ROBO2: variants seen among roughly 807,000 people sequenced by gnomAD.
The protein encoded by ROBO2 is roundabout homolog 2.
A neutral mutation model predicts 160.8 loss-of-function variants in ROBO2; 53 were observed. The ratio of observed to expected loss-of-function variants is 0.33; its 90% confidence interval spans 0.26 to 0.41. The LOEUF is 0.41. Ranked by LOEUF, ROBO2 falls within the 10% of genes least tolerant of loss-of-function variation. ROBO2 has a pLI of 1.00. For missense variants in ROBO2, 1,577 were observed against 1,722.4 expected (o/e 0.92, Z 1.49); for synonymous variants, 664 against 611.7 (o/e 1.09, Z -1.26).
At chr3:76,183,678 T>G (rs1300096162) in intron 2 of ROBO2, among the ~76,000 whole-genome samples, 1 of 152,040 alleles carries the variant, frequency 6.6e-6, no homozygotes, top group African/African-American at 2.4e-5. Context: ...GCAGAAAATT[T>G]AAGGATACAC....
At chr3:77,023,303 T>C (rs891027337) in intron 2 of ROBO2, among the ~76,000 whole-genome samples, 5 of 152,186 alleles carry the variant, frequency 3.3e-5, no homozygotes, top group African/African-American at 1.2e-4. Context: ...TCCCCAGCCA[T>C]GTGAAACTGT....
At chr3:77,250,275 C>G (rs915874282) in intron 2 of ROBO2, among the ~76,000 whole-genome samples, 18 of 152,146 alleles carry the variant, frequency 1.2e-4, no homozygotes, top group Admixed American at 5.9e-4. Flanking sequence ...GACCCTAAGG[C>G]TACCTGGTAA....
At chr3:77,633,868 A>G (rs1425483772) in intron 23 of ROBO2, 1 of 152,238 alleles carries the variant, frequency 6.6e-6, no homozygotes, top group Non-Finnish European at 1.5e-5. Context: ...CAGAGCAGTG[A>G]GAACGTGCAA....
rs190405422 is a variant in ROBO2 at position 75,933,452 on chromosome 3, G to A, written c.-13-4029G>A. Among the ~76,000 whole-genome samples the A allele has an allele frequency of 1.3e-4, 20 of 152,104 alleles. No homozygotes were observed. The East Asian group carries it at 3.7e-3, about 28-fold the overall frequency. On this transcript the variant is annotated intron_variant, in intron 1 of 26. Transcript: ENST00000487694. ...GCACAGCCCAAGTTTCACTGGATAA[G>A]CATTTCAGTAAAGAGGACTATTGCC...
intron 2 of ROBO2, among the ~76,000 whole-genome samples, chr3:76,764,162 C>T (rs1007154570): frequency 1.3e-5 from 2 of 151,664 alleles, no homozygotes; most frequent in Non-Finnish European, 3.0e-5. Context: ...AGAATCTAAT[C>T]TCCCTGTTGC....
At chr3:76,354,182 CAAA>C (rs1176467667) in intron 2 of ROBO2, among the ~76,000 whole-genome samples, 1 of 151,852 alleles carries the variant, frequency 6.6e-6, no homozygotes, top group African/African-American at 2.4e-5. Flanking sequence ...AAATACTTGA[CAAA>C]AACTGAGCAG....
intron 22 of ROBO2, among the ~76,000 whole-genome samples, chr3:77,621,912 A>C (rs1004712073): frequency 1.3e-5 from 2 of 152,216 alleles, no homozygotes; most frequent in African/African-American, 4.8e-5. Context: ...TTCACTTTAA[A>C]TAGTTACTCG....
chr3:75,909,041 C>T (rs1182224537), intron 1 of ROBO2, among the ~76,000 whole-genome samples: 2 of 152,186 alleles, frequency 1.3e-5, no homozygotes, highest in Non-Finnish European at 2.9e-5. Flanking sequence ...TAATGTATAT[C>T]TGATGTGGGA....
chr3:77,263,079 G>A (rs907396532), intron 2 of ROBO2, among the ~76,000 whole-genome samples: 1 of 151,894 alleles, frequency 6.6e-6, no homozygotes, highest in African/African-American at 2.4e-5. Flanking sequence ...AAATACCATC[G>A]ATCTCAGTGG....
chr3:76,067,047 G>C (rs1038851496), intron 2 of ROBO2, among the ~76,000 whole-genome samples: 1 of 152,082 alleles, frequency 6.6e-6, no homozygotes, highest in Non-Finnish European at 1.5e-5. Flanking sequence ...AATGACTGTA[G>C]GGTTCCTGAG....
intron 1 of ROBO2, among the ~76,000 whole-genome samples, chr3:75,911,552 CT>C (rs56787695): frequency 2.6e-3 from 214 of 83,542 alleles, no homozygotes; most frequent in Middle Eastern, 0.012. Flanking sequence ...AGCCTTGTTT[CT>C]TTTTTTTTTT....
chr3:75,908,262 AG>A (rs1359092871), intron 1 of ROBO2, among the ~76,000 whole-genome samples: 3 of 152,180 alleles, frequency 2.0e-5, no homozygotes, highest in Non-Finnish European at 4.4e-5. Flanking sequence ...GAGAGCTTAA[AG>A]GTTTCTCAGA....
chr3:77,325,511 C>G (rs2065287044), intron 2 of ROBO2, among the ~76,000 whole-genome samples: 1 of 152,198 alleles, frequency 6.6e-6, no homozygotes, highest in Non-Finnish European at 1.5e-5. Context: ...TTTAGTAGCA[C>G]TGACATTGAC....
chr3:77,445,784 G>GTT (rs66551785), intron 2 of ROBO2, among the ~76,000 whole-genome samples: 9 of 107,782 alleles, frequency 8.4e-5, no homozygotes, highest in African/African-American at 2.2e-4. Flanking sequence ...CAATTAAAAG[G>GTT]TTTTTTTTTG....
intron 2 of ROBO2, among the ~76,000 whole-genome samples, chr3:77,438,199 T>TGATA (rs1230799122): frequency 6.6e-6 from 1 of 151,334 alleles, no homozygotes; most frequent in South Asian, 2.1e-4. Context: ...GGTAGATAGA[T>TGATA]GATAGATAGA....
At chr3:76,072,964 T>C (rs2068512081) in intron 2 of ROBO2, among the ~76,000 whole-genome samples, 1 of 152,196 alleles carries the variant, frequency 6.6e-6, no homozygotes, top group Non-Finnish European at 1.5e-5. Context: ...GTGATGGATA[T>C]AAAGCATTCT....
intron 2 of ROBO2, among the ~76,000 whole-genome samples, chr3:76,792,056 A>C (rs2063385831): frequency 6.6e-6 from 1 of 151,920 alleles, no homozygotes. Flanking sequence ...AGCATTTGGA[A>C]CTAGGAGACA....
At chr3:76,717,783 G>C (rs1168673895) in intron 2 of ROBO2, among the ~76,000 whole-genome samples, 1 of 152,150 alleles carries the variant, frequency 6.6e-6, no homozygotes, top group Non-Finnish European at 1.5e-5. Context: ...CTGATGTAAA[G>C]AGTTTTACTG....
chr3:77,196,221 G>C (rs2082293837), intron 2 of ROBO2, among the ~76,000 whole-genome samples: 1 of 152,104 alleles, frequency 6.6e-6, no homozygotes, highest in Non-Finnish European at 1.5e-5. Flanking sequence ...GAAGCCTGTT[G>C]TGTAATTCCA....
Sources: gnomAD v4.1 joint callset for allele counts (sites outside exome capture counted in the v4.1 genomes callset) on GRCh38, gnomAD v4.1.1 for gene constraint, MANE v1.5 for transcripts, NCBI Gene and HGNC (gene_info 2026-07-23, HGNC 2026-07-21) for gene names.